VPS53: variants seen among roughly 807,000 people sequenced by gnomAD.
VPS53 encodes the protein VPS53 subunit of GARP complex.
Under a neutral mutation model 107.0 loss-of-function variants are expected in VPS53, and 70 were observed. The observed-to-expected ratio is 0.65, with a 90% CI of 0.54 to 0.80. The LOEUF is 0.80. VPS53 is among the 30% of genes least tolerant of loss of function. The pLI is 0.00. For missense variants in VPS53, 917 were observed against 1,049.4 expected (o/e 0.87, Z 1.74); for synonymous variants, 409 against 393.3 (o/e 1.04, Z -0.47).
chr17:699,734 G>A (rs1973124308), intron 2 of VPS53, among the ~76,000 whole-genome samples: 1 of 152,218 alleles, frequency 6.6e-6, no homozygotes, highest in Admixed American at 6.5e-5. Context: ...AGGAGAGTCT[G>A]CTGACCCATG....
At position 659,576 on chromosome 17, in the gene VPS53, C is replaced by T. The variant is rs1055277299; in HGVS notation, c.372+2233G>A. 6.6e-5 allele frequency among the ~76,000 whole-genome samples: 10 copies of T among 152,198 alleles called. No individual in the cohort carries two copies. In the South Asian group the frequency reaches 1.4e-3, roughly 22 times the overall value. On this transcript the variant is annotated intron_variant, in intron 5 of 21. Coordinates refer to ENST00000437048, the MANE Select transcript of VPS53 (RefSeq NM_001128159.3). ...GATTACAGGCATGAGCCACCGTGCC[C>T]GGCTGCATCAGGGGTCTTTAACCAC...
At chr17:591,628 C>T (rs1967657208) in intron 12 of VPS53, among the ~76,000 whole-genome samples, 1 of 152,118 alleles carries the variant, frequency 6.6e-6, no homozygotes, top group Non-Finnish European at 1.5e-5. Context: ...GCCTTCATTT[C>T]GTTATGTACC....
intron 10 of VPS53, among the ~76,000 whole-genome samples, chr17:624,029 T>G (rs1320321342): frequency 6.6e-6 from 1 of 151,400 alleles, no homozygotes; most frequent in Non-Finnish European, 1.5e-5. Context: ...TTTTTTTTTT[T>G]GTATTTTTAG....
chr17:586,402 G>C, intron 12 of VPS53, 38 bp from the exon 13 acceptor site: 1 of 1,584,128 alleles, frequency 6.3e-7, no homozygotes, highest in Non-Finnish European at 8.6e-7. Flanking sequence ...ATACTTGAGT[G>C]ATCTTTGCAA....
At chr17:635,319 G>T (rs918208745) in intron 7 of VPS53, among the ~76,000 whole-genome samples, 1 of 152,084 alleles carries the variant, frequency 6.6e-6, no homozygotes, top group Non-Finnish European at 1.5e-5. Context: ...TGAGTAGATT[G>T]CAAAAATTTT....
intron 19 of VPS53, among the ~76,000 whole-genome samples, chr17:525,598 G>A (rs1449215847): frequency 6.6e-6 from 1 of 152,126 alleles, no homozygotes; most frequent in Non-Finnish European, 1.5e-5. Context: ...GGAGGCTGAG[G>A]TGGGAAGATG....
intron 13 of VPS53, among the ~76,000 whole-genome samples, chr17:575,760 T>C (rs746168719): frequency 1.3e-4 from 20 of 149,426 alleles, no homozygotes; most frequent in Non-Finnish European, 3.0e-4. Flanking sequence ...CAGGACCTAG[T>C]GCGTCCCAGA....
intron 13 of VPS53, among the ~76,000 whole-genome samples, chr17:566,537 C>T (rs1913529286): frequency 6.6e-6 from 1 of 152,156 alleles, no homozygotes; most frequent in Admixed American, 6.5e-5. Context: ...CCTGATCAAC[C>T]TCCACACTTT....
At chr17:546,478 G>T (rs1911207730) in intron 17 of VPS53, among the ~76,000 whole-genome samples, 1 of 151,936 alleles carries the variant, frequency 6.6e-6, no homozygotes. Flanking sequence ...ATCTGATAAG[G>T]GGTCTAGTAT....
intron 19 of VPS53, among the ~76,000 whole-genome samples, 197 bp from the exon 20 acceptor site, chr17:521,935 C>G (rs1037924612): frequency 6.6e-6 from 1 of 152,044 alleles, no homozygotes; most frequent in African/African-American, 2.4e-5. Flanking sequence ...ATCAAGGAGC[C>G]AGCCTATGTG....
intron 4 of VPS53, among the ~76,000 whole-genome samples, chr17:678,127 GA>G (rs1247525778): frequency 2.0e-5 from 3 of 151,750 alleles, no homozygotes; most frequent in African/African-American, 7.3e-5. Flanking sequence ...TCTCAAGAGA[GA>G]AAAAAAGCCA....
At chr17:584,589 C>T (rs887925526) in intron 13 of VPS53, among the ~76,000 whole-genome samples, 18 of 152,150 alleles carry the variant, frequency 1.2e-4, no homozygotes, top group Admixed American at 1.3e-4. Context: ...GGCATAGTGA[C>T]GGCTAATTGC....
chr17:534,132 G>A lies in VPS53; in HGVS notation c.2016-1221C>T, dbSNP rs559569132. Among the ~76,000 whole-genome samples, 12 of 152,296 alleles carry A rather than the reference G, an allele frequency of 7.9e-5. No homozygotes were observed. The South Asian group carries it at 8.3e-4, about 11-fold the overall frequency. On this transcript the variant is annotated intron_variant, in intron 18 of 21. Transcript: ENST00000437048. ...TGGGATGACAGGCGTGAGCCACCGC[G>A]CCCAGCCACCTACCACTTTTTGAAT...
intron 4 of VPS53, among the ~76,000 whole-genome samples, chr17:673,169 C>T (rs1219393383): frequency 1.3e-5 from 2 of 151,872 alleles, no homozygotes; most frequent in African/African-American, 4.8e-5. Flanking sequence ...TTTCGAAAGC[C>T]AGGAGGTCCT....
intron 18 of VPS53, 77 bp from the exon 19 acceptor site, chr17:532,988 G>T: frequency 6.5e-7 from 1 of 1,534,748 alleles, no homozygotes. Context: ...AAGGTTCCAC[G>T]TATCTCCATG....
At chr17:643,153 A>C (rs1970510782) in intron 7 of VPS53, among the ~76,000 whole-genome samples, 2 of 106,636 alleles carry the variant, frequency 1.9e-5, no homozygotes, top group Admixed American at 9.2e-5. Flanking sequence ...TCATACTTGG[A>C]AAGCGAGGAC....
chr17:713,001 G>A (rs376056046), intron 1 of VPS53, among the ~76,000 whole-genome samples: 1 of 152,150 alleles, frequency 6.6e-6, no homozygotes, highest in East Asian at 1.9e-4. Flanking sequence ...GCGTTCTCAG[G>A]CTAGGACAAA....
Position 582,688 on chromosome 17 carries a change from AC to A in VPS53, c.1313+3581del, listed in dbSNP as rs1202192036. On this transcript the variant is annotated intron_variant, in intron 13 of 21. Coordinates refer to ENST00000437048, the MANE Select transcript of VPS53 (RefSeq NM_001128159.3). ...TTAGAACCCAATGCGTTCCCAGAGA[AC>A]CTCCCTCAGAACCTAATGCGTTCCG... Among the ~76,000 whole-genome samples, 4 of 149,614 alleles carry A rather than the reference AC, an allele frequency of 2.7e-5. No individual in the cohort carries two copies. The South Asian group carries it at 8.6e-4, about 32-fold the overall frequency.
At chr17:687,039 C>G (rs183986116) in intron 4 of VPS53, among the ~76,000 whole-genome samples, 389 of 152,238 alleles carry the variant, frequency 2.6e-3, no homozygotes, top group Non-Finnish European at 3.2e-3. Context: ...AATCCCAGCA[C>G]TTTGAGAGGC....
Sources: gnomAD v4.1 joint callset for allele counts (sites outside exome capture counted in the v4.1 genomes callset) on GRCh38, gnomAD v4.1.1 for gene constraint, MANE v1.5 for transcripts, NCBI Gene and HGNC (gene_info 2026-07-23, HGNC 2026-07-21) for gene names.